EDEM2: variants seen among roughly 807,000 people sequenced by gnomAD.
EDEM2 encodes the protein ER degradation-enhancing alpha-mannosidase-like protein 2.
EDEM2 carries 39 observed loss-of-function variants against 64.8 expected under a neutral mutation model. The observed-to-expected ratio is 0.60, with a 90% CI of 0.47 to 0.79. The LOEUF is 0.79. Ranked by LOEUF, EDEM2 falls within the 30% of genes least tolerant of loss-of-function variation. The pLI is 0.00. For synonymous variants in EDEM2, 296 were observed against 291.5 expected (o/e 1.02, Z -0.16); for missense variants, 609 against 731.3 (o/e 0.83, Z 1.93).
intron 4 of EDEM2, among the ~76,000 whole-genome samples, chr20:35,140,256 G>A (rs1245938104): frequency 6.6e-6 from 1 of 152,212 alleles, no homozygotes; most frequent in African/African-American, 2.4e-5. Flanking sequence ...AGCCAAAGCA[G>A]GTGGATCACT....
rs1274642271 is a variant in EDEM2 at position 35,146,806 on chromosome 20, G to T, written c.218+19C>A. On this transcript the variant is annotated intron_variant, in intron 2 of 10. Coordinates refer to ENST00000374492, the MANE Select transcript of EDEM2 (RefSeq NM_018217.3). ...GAGAGTCAGACCCTGGCCGCCCCTTGCCCCTCCGCTCGCACTACCTGCCCC... is the reference window on the plus strand; with the variant it reads ...GAGAGTCAGACCCTGGCCGCCCCTTTCCCCTCCGCTCGCACTACCTGCCCC... 3 of 1,611,804 alleles carry T rather than the reference G, an allele frequency of 1.9e-6. No homozygotes were observed. In the African/African-American group the frequency reaches 4.0e-5, roughly 22 times the overall value.
At chr20:35,128,699 TG>T (rs1465165355) in intron 7 of EDEM2, among the ~76,000 whole-genome samples, 1 of 150,306 alleles carries the variant, frequency 6.7e-6, no homozygotes, top group African/African-American at 2.5e-5. Flanking sequence ...CAGGATAACA[TG>T]GGGAAGTGGA....
At position 35,137,974 on chromosome 20, in the gene EDEM2, GAGC is replaced by G; in HGVS notation, c.393_395del (p.Leu132del). 6.2e-7 allele frequency: 1 copy of G among 1,614,186 alleles called. No individual in the cohort carries two copies. The highest frequency in any genetic ancestry group is 1.1e-5 in the South Asian group (1 of 91,082). On this transcript the variant is annotated inframe_deletion, in exon 5 of 11. Transcript: ENST00000374492. The stretch of plus-strand genomic sequence containing the variant: ...CTACTTCCACCCCAGCCTTCTTGGA[GAGC>G]AGATGAGCAGACAGGAGTCCTCCTA...
chr20:35,138,238 C>T (rs1278302605), intron 4 of EDEM2, among the ~76,000 whole-genome samples: 3 of 152,196 alleles, frequency 2.0e-5, no homozygotes, highest in African/African-American at 4.8e-5. Flanking sequence ...CTTAATCCCA[C>T]ATATTTCTAT....
chr20:35,116,207 T>C (rs1349523215), intron 10 of EDEM2, among the ~76,000 whole-genome samples: 4 of 152,334 alleles, frequency 2.6e-5, no homozygotes, highest in South Asian at 2.1e-4. Flanking sequence ...TCTCACACCA[T>C]GTTGCCCAGG....
chr20:35,127,047 G>A (rs914683262), intron 7 of EDEM2, among the ~76,000 whole-genome samples: 1 of 152,142 alleles, frequency 6.6e-6, no homozygotes, highest in Non-Finnish European at 1.5e-5. Context: ...CATGGGGGCC[G>A]TTTCCCCCAT....
At position 35,146,856 on chromosome 20, in the gene EDEM2, G is replaced by A. The variant is rs963602900; in HGVS notation, c.187C>T (p.Leu63Phe). 5 of 1,614,044 alleles carry A rather than the reference G, an allele frequency of 3.1e-6. No homozygotes were observed. The African/African-American group carries it at 6.7e-5, about 22-fold the overall frequency. Reference sequence around the variant, plus strand: ...CAGGTGTCGTGCCCGTCACAGGTGAGAGGTCGCAGCTCATCGAAGGGAAAG... The same window carrying A: ...CAGGTGTCGTGCCCGTCACAGGTGAAAGGTCGCAGCTCATCGAAGGGAAAG... ...NAFPFDELRP[L>F]TCDGHDTWGS... Residue 63 changes from leucine (L) to phenylalanine (F), a missense_variant, in exon 2 of 11, where the codon CTC becomes TTC. Coordinates refer to ENST00000374492, the MANE Select transcript of EDEM2 (RefSeq NM_018217.3).
At position 35,118,665 on chromosome 20, in the gene EDEM2, A is replaced by G; in HGVS notation, c.1169T>C (p.Leu390Pro). 1 of 1,613,670 alleles carries G rather than the reference A, an allele frequency of 6.2e-7. No homozygotes were observed. Among genetic ancestry groups the G allele is most frequent in the Non-Finnish European group, 8.5e-7 (1 of 1,180,000 alleles). Reference protein sequence around the residue: ...LYRATGDPTLLELGRDAVESI... With the variant: ...LYRATGDPTLPELGRDAVESI... ...TTCCACAGCATCTCTTCCGAGTTCTAGGAGGGTGGGATCCCCCGTGGCACG... is the reference window on the plus strand; with the variant it reads ...TTCCACAGCATCTCTTCCGAGTTCTGGGAGGGTGGGATCCCCCGTGGCACG... The change falls in exon 10 of 11, where the codon CTA becomes CCA. Residue 390 changes from leucine to proline, a missense_variant. Transcript: ENST00000374492.
rs1296284293 is a variant in EDEM2 at position 35,131,715 on chromosome 20, C to G, written c.771G>C (p.Val257=). The G allele has an allele frequency of 6.2e-7, 1 of 1,614,146 alleles. No homozygotes were observed. The highest frequency in any genetic ancestry group is 1.7e-5 in the Admixed American group (1 of 60,020). The stretch of plus-strand genomic sequence containing the variant: ...TCACCAAGTACTCAAAGTAGGAGTC[C>G]ACGCCAGCCCCGATGCCTGCGTCCT... ...VAQDAGIGAG[V]DSYFEYLVKG... is the part of the protein sequence containing the mutation. The change falls in exon 7 of 11, where the codon GTG becomes GTC. Residue 257 remains valine, a synonymous_variant. Coordinates refer to ENST00000374492, the MANE Select transcript of EDEM2 (RefSeq NM_018217.3).
intron 7 of EDEM2, 149 bp downstream of exon 7, chr20:35,131,493 G>A (rs2085504367): frequency 1.1e-6 from 1 of 922,412 alleles, no homozygotes; most frequent in East Asian, 2.6e-5. Context: ...TTGAACCTGG[G>A]AGGCAGAGGT....
Position 35,147,165 on chromosome 20 carries a change from G to T in EDEM2, c.94C>A (p.Pro32Thr). Residue 32 changes from proline (P) to threonine (T), a missense_variant, in exon 1 of 11, where the codon CCC becomes ACC. By Grantham distance (38) the Pro-to-Thr change is conservative (BLOSUM62 -1). Coordinates refer to ENST00000374492, the MANE Select transcript of EDEM2 (RefSeq NM_018217.3). Reference sequence around the variant, plus strand: ...GTCACAGTTCACCTGTAGTGGGCGGGATCTGGCGCGGAGCCGTCGGGACCT... The same window carrying T: ...GTCACAGTTCACCTGTAGTGGGCGGTATCTGGCGCGGAGCCGTCGGGACCT... ...APGPDGSAPD[P>T]AHYRERVKAM... 1 of 1,602,248 alleles carries T rather than the reference G, an allele frequency of 6.2e-7. No individual in the cohort carries two copies. The highest frequency in any genetic ancestry group is 8.5e-7 in the Non-Finnish European group (1 of 1,173,114).
intron 9 of EDEM2, among the ~76,000 whole-genome samples, chr20:35,120,742 C>T (rs536866800): frequency 1.8e-4 from 28 of 151,992 alleles, no homozygotes; most frequent in Non-Finnish European, 1.2e-4. Flanking sequence ...GGACTACAGG[C>T]ACATGCCACC....
rs1412966469 is a variant in EDEM2, at chr20:35,131,755, C to G, written c.731G>C (p.Gly244Ala). The change falls in exon 7 of 11, where the codon GGC (glycine) becomes GCC (alanine). Residue 244 changes from glycine (G) to alanine (A), a missense_variant. Coordinates refer to ENST00000374492, the MANE Select transcript of EDEM2 (RefSeq NM_018217.3). ...GCCTGCGTCCTGGGCCACCCACTTG[C>G]CAGTGAGCACATCAATGTGGTTGCC... ...LVGNHIDVLT[G>A]KWVAQDAGIG... The G allele has an allele frequency of 6.2e-7, 1 of 1,614,080 alleles. No individual in the cohort carries two copies. Among genetic ancestry groups the G allele is most frequent in the East Asian group, 2.2e-5 (1 of 44,880 alleles).
At position 35,135,360 on chromosome 20, in the gene EDEM2, TC is replaced by T. The variant is rs200514523; in HGVS notation, c.491-412del. Among the ~76,000 whole-genome samples, 1,064 of 152,354 alleles carry T rather than the reference TC, an allele frequency of 7.0e-3. 10 individuals are homozygous for T. The highest frequency in any genetic ancestry group is 0.023 in the African/African-American group (940 of 41,586). On this transcript the variant is annotated intron_variant, in intron 5 of 10. Transcript: ENST00000374492. ...GCACAATGACAAGAGTAAGCCCCGT[TC>T]AAAGCCATTCATAGACTTTTGGCTC...
At chr20:35,142,344 T>C (rs756526754) in intron 4 of EDEM2, 29 bp downstream of exon 4, 23 of 1,566,392 alleles carry the variant, frequency 1.5e-5, no homozygotes, top group Non-Finnish European at 2.0e-5. Flanking sequence ...CTCTTTTTTC[T>C]TTTAAAGGTC....
At chr20:35,119,792 G>T (rs989869397) in intron 9 of EDEM2, among the ~76,000 whole-genome samples, 8 of 152,100 alleles carry the variant, frequency 5.3e-5, no homozygotes, top group Non-Finnish European at 8.8e-5. Flanking sequence ...GGGTCCAGAT[G>T]AGAATATTTA....
At chr20:35,142,304 C>T in intron 4 of EDEM2, 69 bp downstream of exon 4, 1 of 1,266,356 alleles carries the variant, frequency 7.9e-7, no homozygotes, top group Non-Finnish European at 1.1e-6. Context: ...TCCTATTTAC[C>T]ACTTCTTGGT....
intron 8 of EDEM2, 72 bp downstream of exon 8, chr20:35,126,179 G>A: frequency 6.4e-7 from 1 of 1,567,372 alleles, no homozygotes; most frequent in Admixed American, 1.9e-5. Context: ...TACATTATTT[G>A]ACTTATACAT....
intron 10 of EDEM2, 62 bp downstream of exon 10, chr20:35,118,536 A>G (rs773568200): frequency 1.9e-6 from 3 of 1,609,584 alleles, no homozygotes; most frequent in African/African-American, 2.7e-5. Flanking sequence ...TCTACCCTTA[A>G]AGAGGCTTTT....
Sources: allele counts gnomAD v4.1 joint callset (sites outside exome capture counted in the v4.1 genomes callset), GRCh38; gene constraint gnomAD v4.1.1; transcripts MANE v1.5; gene names NCBI Gene and HGNC (gene_info 2026-07-23, HGNC 2026-07-21).